Variants in GALNT17 observed in about 807,000 individuals in gnomAD.
The protein encoded by GALNT17 is UDP-GalNAc:polypeptide N-acetylgalactosaminyltransferase-like 3.
In GALNT17, 29 loss-of-function variants were observed where a neutral mutation model predicts 63.7. That is an observed-to-expected ratio of 0.46 (90% CI 0.34 to 0.62). GALNT17 has a LOEUF of 0.62. Among genes scored for constraint, GALNT17 ranks in the 20% least tolerant of loss-of-function variants. GALNT17 has a pLI of 0.01. For synonymous variants in GALNT17, 305 were observed against 318.3 expected, an observed-to-expected ratio of 0.96 and a Z score of 0.45; for missense variants, 603 against 799.6, an observed-to-expected ratio of 0.75 and a Z score of 2.97.
chr7:71,185,175 T>G (rs927416785), intron 1 of GALNT17, among the ~76,000 whole-genome samples: 3 of 114,688 alleles, frequency 2.6e-5, no homozygotes, highest in African/African-American at 1.0e-4. Context: ...CTCTGTCCCC[T>G]CCTTCCTCTC....
intron 1 of GALNT17, among the ~76,000 whole-genome samples, chr7:71,166,526 C>T (rs1324126182): frequency 6.6e-6 from 1 of 152,222 alleles, no homozygotes. Context: ...TCCCTCTTTA[C>T]TGAGGCAACC....
intron 5 of GALNT17, among the ~76,000 whole-genome samples, chr7:71,513,382 G>GT (rs1788394838): frequency 1.3e-5 from 2 of 151,184 alleles, no homozygotes; most frequent in East Asian, 1.9e-4. Flanking sequence ...TTGTTTTTTT[G>GT]TTTTTTTGTT....
At chr7:71,488,226 C>G (rs1020353736) in intron 5 of GALNT17, among the ~76,000 whole-genome samples, 2 of 150,728 alleles carry the variant, frequency 1.3e-5, no homozygotes, top group Non-Finnish European at 3.0e-5. Flanking sequence ...ACAGTGCGCC[C>G]AAGAACCAAT....
chr7:71,341,207 G>A (rs550117538), intron 2 of GALNT17, among the ~76,000 whole-genome samples: 1 of 151,972 alleles, frequency 6.6e-6, no homozygotes, highest in Non-Finnish European at 1.5e-5. Context: ...ATTAAACGGA[G>A]ATAAGTAATT....
chr7:71,502,174 C>T (rs891444001), intron 5 of GALNT17, among the ~76,000 whole-genome samples: 2 of 152,150 alleles, frequency 1.3e-5, no homozygotes, highest in Non-Finnish European at 2.9e-5. Context: ...ACTCTCTTGC[C>T]CCTTATGACC....
chr7:71,627,590 T>A (rs1790392504), intron 6 of GALNT17, among the ~76,000 whole-genome samples: 1 of 152,096 alleles, frequency 6.6e-6, no homozygotes, highest in African/African-American at 2.4e-5. Context: ...GGCCTCCCCC[T>A]CCTTTTCATC....
At chr7:71,138,294 T>C (rs1206413867) in intron 1 of GALNT17, among the ~76,000 whole-genome samples, 2 of 150,970 alleles carry the variant, frequency 1.3e-5, no homozygotes, top group African/African-American at 4.9e-5. Context: ...GCTATGGTTG[T>C]GCCACTGCTC....
At chr7:71,686,244 G>A (rs914716570) in intron 9 of GALNT17, among the ~76,000 whole-genome samples, 24 of 152,114 alleles carry the variant, frequency 1.6e-4, no homozygotes, top group South Asian at 4.1e-4. Context: ...CGTAAGCCAC[G>A]GCGCCCAGCC....
At chr7:71,441,131 T>A (rs1272372598) in intron 5 of GALNT17, among the ~76,000 whole-genome samples, 4 of 152,022 alleles carry the variant, frequency 2.6e-5, no homozygotes, top group Admixed American at 6.6e-5. Flanking sequence ...CAAGTTGTTC[T>A]CCTGCCTCAG....
intron 2 of GALNT17, among the ~76,000 whole-genome samples, chr7:71,347,042 G>T (rs1015052122): frequency 6.6e-6 from 1 of 152,054 alleles, no homozygotes; most frequent in African/African-American, 2.4e-5. Context: ...ATTTGCTAAC[G>T]CAGGTCTTCA....
intron 5 of GALNT17, among the ~76,000 whole-genome samples, chr7:71,493,946 A>G (rs1487940616): frequency 6.6e-6 from 1 of 152,130 alleles, no homozygotes; most frequent in African/African-American, 2.4e-5. Context: ...TGCAGAGAAG[A>G]AGGAAGTCTA....
chr7:71,376,149 G>T (rs191628416), intron 2 of GALNT17, among the ~76,000 whole-genome samples: 26 of 152,192 alleles, frequency 1.7e-4, no homozygotes, highest in Admixed American at 1.6e-3. Flanking sequence ...GCTGCTTGGC[G>T]TAAAGCTATT....
chr7:71,443,171 A>T (rs903487960), intron 5 of GALNT17, among the ~76,000 whole-genome samples: 2 of 152,154 alleles, frequency 1.3e-5, no homozygotes, highest in Non-Finnish European at 2.9e-5. Flanking sequence ...CTTCGTCGCC[A>T]ATTCAAATTC....
At chr7:71,550,284 G>A (rs1789052706) in intron 5 of GALNT17, among the ~76,000 whole-genome samples, 1 of 151,704 alleles carries the variant, frequency 6.6e-6, no homozygotes, top group African/African-American at 2.4e-5. Flanking sequence ...ATAAATATTG[G>A]GTCATACATA....
chr7:71,550,257 T>C (rs1309463139), intron 5 of GALNT17, among the ~76,000 whole-genome samples: 1 of 152,196 alleles, frequency 6.6e-6, no homozygotes, highest in Non-Finnish European at 1.5e-5. Flanking sequence ...TATTACCTTT[T>C]ATTGACCTGT....
chr7:71,459,950 A>G (rs940186272), intron 5 of GALNT17, among the ~76,000 whole-genome samples: 1 of 152,216 alleles, frequency 6.6e-6, no homozygotes, highest in Admixed American at 6.5e-5. Context: ...CCAGTTGTCA[A>G]CTAGAAAGTG....
intron 6 of GALNT17, among the ~76,000 whole-genome samples, chr7:71,622,453 C>T (rs151300747): frequency 9.9e-4 from 151 of 152,302 alleles, no homozygotes; most frequent in African/African-American, 3.5e-3. Flanking sequence ...GGATGAGTGG[C>T]CTGACCTGCA....
chr7:71,187,260 C>G (rs1788867088), intron 1 of GALNT17, among the ~76,000 whole-genome samples: 1 of 151,778 alleles, frequency 6.6e-6, no homozygotes, highest in Non-Finnish European at 1.5e-5. Flanking sequence ...CAGGCACATG[C>G]CACCATGCTT....
rs200104834 is a variant in GALNT17 at position 71,548,241 on chromosome 7, C to CA, written c.963-23028dup. Among the ~76,000 whole-genome samples, 682 of 134,848 alleles carry CA rather than the reference C, an allele frequency of 5.1e-3. 3 individuals carry two copies. Among genetic ancestry groups the CA allele is most frequent in the African/African-American group, 0.013 (496 of 38,118 alleles). 88.5% of individuals were successfully genotyped at this position (134,848 alleles called of 152,430 possible). A position where few individuals can be genotyped will look rare whatever the true frequency, so the allele number is the denominator to read the frequency against. ...TGGGCAACAGAGCAGGAGTCTGTCT[C>CA]AAAAAAAAAAAAAAAAGTTAATAGA... On this transcript the variant is annotated intron_variant, in intron 5 of 10. Coordinates refer to ENST00000333538, the MANE Select transcript of GALNT17 (RefSeq NM_022479.3).
Sources: gnomAD v4.1 joint callset for allele counts (sites outside exome capture counted in the v4.1 genomes callset) on GRCh38, gnomAD v4.1.1 for gene constraint, MANE v1.5 for transcripts, NCBI Gene and HGNC (gene_info 2026-07-23, HGNC 2026-07-21) for gene names.